VWA8: variants seen among roughly 807,000 people sequenced by gnomAD.
The protein encoded by VWA8 is von Willebrand factor A domain containing 8, also known as von Willebrand factor A domain-containing protein 8.
VWA8 carries 221 observed loss-of-function variants against 241.5 expected under a neutral mutation model. The ratio of observed to expected loss-of-function variants is 0.91; its 90% CI spans 0.82 to 1.02. The LOEUF (loss-of-function observed/expected upper bound fraction) is 1.02, where lower values mean the gene tolerates loss of function less well. Ranked by LOEUF, VWA8 falls within the 50% of genes least tolerant of loss-of-function variation. The probability of loss-of-function intolerance (pLI) is 0.00; values close to 1 mark genes in which losing one functional copy is unlikely to be tolerated. For synonymous variants in VWA8, 852 were observed against 827.1 expected (o/e 1.03, Z -0.52); for missense variants, 2,322 against 2,328.7 (o/e 1.00, Z 0.06).
Position 41,581,196 on chromosome 13 carries a change from G to C in VWA8, c.5272-5358C>G, listed in dbSNP as rs1388263498. On this transcript the variant is annotated intron_variant, in intron 42 of 44. Coordinates refer to ENST00000379310, the MANE Select transcript of VWA8 (RefSeq NM_015058.2). ...TTTGTATTTTTTTAGTAGAGACGGG[G>C]TTTCACCGTGTTACCCAGGATGGTC... is the stretch of plus-strand genomic sequence containing the variant. Among the ~76,000 whole-genome samples the C allele has an allele frequency of 5.1e-5, 5 of 98,740 alleles. 1 individual carries two copies. Among genetic ancestry groups the C allele is most frequent in the Non-Finnish European group, 9.1e-5 (5 of 55,016 alleles). The allele number at this position is 98,740 out of a possible 152,430, so 64.8% of individuals were successfully genotyped here. A position where few individuals can be genotyped will look rare whatever the true frequency, so the allele number is the denominator to read the frequency against.
chr13:41,602,842 C>CT (rs149049595), intron 40 of VWA8, among the ~76,000 whole-genome samples: 2,465 of 152,158 alleles, frequency 0.016, 70 homozygotes, highest in African/African-American at 0.056. Flanking sequence ...AGTAGAATGC[C>CT]TGGTGCATGG....
At chr13:41,729,049 AAAAAG>A (rs1271434091) in intron 23 of VWA8, among the ~76,000 whole-genome samples, 1 of 152,070 alleles carries the variant, frequency 6.6e-6, no homozygotes, top group Non-Finnish European at 1.5e-5. Flanking sequence ...CAATAACAAC[AAAAAG>A]GGTGTGTGTG....
At chr13:41,803,773 A>G (rs1870065546) in intron 17 of VWA8, among the ~76,000 whole-genome samples, 1 of 152,238 alleles carries the variant, frequency 6.6e-6, no homozygotes, top group Admixed American at 6.5e-5. Context: ...GAGGAAGCTC[A>G]ATGAAATTCA....
chr13:41,777,947 AT>A, intron 20 of VWA8, 37 bp downstream of exon 20: 1 of 1,531,322 alleles, frequency 6.5e-7, no homozygotes. Context: ...TGTTACTATC[AT>A]TTTTTCATTG....
intron 37 of VWA8, among the ~76,000 whole-genome samples, chr13:41,667,852 A>G (rs1250416975): frequency 1.3e-5 from 2 of 152,240 alleles, no homozygotes; most frequent in Non-Finnish European, 2.9e-5. Flanking sequence ...CTACATTTAT[A>G]TTAATCCTTT....
chr13:41,750,063 T>C (rs941215432), intron 21 of VWA8, among the ~76,000 whole-genome samples: 1 of 152,126 alleles, frequency 6.6e-6, no homozygotes, highest in Non-Finnish European at 1.5e-5. Flanking sequence ...ATGGTTGCCA[T>C]AGATACTGAT....
At chr13:41,888,095 T>A (rs1319801357) in intron 5 of VWA8, among the ~76,000 whole-genome samples, 2 of 152,172 alleles carry the variant, frequency 1.3e-5, no homozygotes, top group African/African-American at 4.8e-5. Flanking sequence ...TTAGCCTTCT[T>A]AGTAGGAAAA....
intron 17 of VWA8, among the ~76,000 whole-genome samples, chr13:41,798,242 A>G (rs1380653275): frequency 6.6e-6 from 1 of 152,164 alleles, no homozygotes; most frequent in African/African-American, 2.4e-5. Context: ...TTCACAATAC[A>G]TTTAAATTTA....
intron 40 of VWA8, among the ~76,000 whole-genome samples, chr13:41,598,139 C>T (rs929830813): frequency 6.6e-6 from 1 of 151,940 alleles, no homozygotes; most frequent in African/African-American, 2.4e-5. Context: ...AGAACGAGCA[C>T]GGTTAACTTT....
chr13:41,837,071 A>AGATAGATAGATG (rs1871772482), intron 12 of VWA8, among the ~76,000 whole-genome samples: 1 of 148,262 alleles, frequency 6.7e-6, no homozygotes, highest in Admixed American at 6.7e-5. Flanking sequence ...ATAGATAGAT[A>AGATAGATAGATG]GATAGATAGA....
rs745573452 is a variant in VWA8 at position 41,701,448 on chromosome 13, G to A, written c.3308C>T (p.Ser1103Leu). ...AATTTCATCCAATGGTATTCTCCAT[G>A]AGGCACATTCTTCAGTAAAGTTTAG... ...RSLNFTEECA[S>L]WRIPLDEINI... Residue 1103 changes from serine to leucine, a missense_variant, in exon 28 of 45, where the codon TCA (serine) becomes TTA (leucine). Transcript: ENST00000379310. The A allele has an allele frequency of 2.5e-6, 4 of 1,612,296 alleles. No homozygotes were observed. Among genetic ancestry groups the A allele is most frequent in the East Asian group, 4.5e-5 (2 of 44,672 alleles).
chr13:41,920,865 A>G (rs978807524), intron 2 of VWA8, among the ~76,000 whole-genome samples: 1 of 152,254 alleles, frequency 6.6e-6, no homozygotes, highest in African/African-American at 2.4e-5. Flanking sequence ...TACAAAGAGG[A>G]GTTGATACCA....
chr13:41,592,556 C>T (rs2044462784), intron 40 of VWA8, among the ~76,000 whole-genome samples: 1 of 148,168 alleles, frequency 6.7e-6, no homozygotes, highest in Admixed American at 6.7e-5. Context: ...AAGATCTTTA[C>T]TCTTATTTGT....
At chr13:41,884,886 CATAT>C (rs1054175957) in intron 8 of VWA8, among the ~76,000 whole-genome samples, 1 of 128,558 alleles carries the variant, frequency 7.8e-6, no homozygotes, top group African/African-American at 2.8e-5. Context: ...ATGAAACATA[CATAT>C]ATACATACAT....
intron 7 of VWA8, among the ~76,000 whole-genome samples, chr13:41,886,546 T>C (rs1874547936): frequency 6.6e-6 from 1 of 152,240 alleles, no homozygotes; most frequent in Non-Finnish European, 1.5e-5. Flanking sequence ...ATTTTCAAAT[T>C]ATGGCACTTA....
intron 5 of VWA8, among the ~76,000 whole-genome samples, chr13:41,889,344 T>C (rs1376137544): frequency 6.6e-6 from 1 of 152,014 alleles, no homozygotes; most frequent in Admixed American, 6.6e-5. Context: ...AGTAGACCCT[T>C]CTCACTTAAT....
At chr13:41,665,832 G>A (rs1205498295) in intron 37 of VWA8, among the ~76,000 whole-genome samples, 1 of 152,072 alleles carries the variant, frequency 6.6e-6, no homozygotes, top group Admixed American at 6.6e-5. Flanking sequence ...AGAGGAGATT[G>A]AAATAGTCCT....
At chr13:41,709,766 TC>T (rs1566423958) in intron 26 of VWA8, among the ~76,000 whole-genome samples, 63 of 141,344 alleles carry the variant, frequency 4.5e-4, no homozygotes, top group African/African-American at 1.5e-3. Context: ...TCTCTGTCTC[TC>T]TCTCTTTTTT....
chr13:41,879,951 T>C lies in VWA8; in HGVS notation c.1080+3436A>G, dbSNP rs115711782. Among the ~76,000 whole-genome samples the C allele has an allele frequency of 7.8e-3, 1,182 of 152,252 alleles. 13 individuals carry two copies. The highest frequency in any genetic ancestry group is 0.026 in the African/African-American group (1,093 of 41,538). ...CCATGTAAGAAAAACAAAAACCATCTTTCATATGGAGGAATTAATTTTGGT... is the reference window on the plus strand; with the variant it reads ...CCATGTAAGAAAAACAAAAACCATCCTTCATATGGAGGAATTAATTTTGGT... On this transcript the variant is annotated intron_variant, in intron 9 of 44. Transcript: ENST00000379310.
Sources: gnomAD v4.1 joint callset for allele counts (sites outside exome capture counted in the v4.1 genomes callset) on GRCh38, gnomAD v4.1.1 for gene constraint, MANE v1.5 for transcripts, NCBI Gene and HGNC (gene_info 2026-07-23, HGNC 2026-07-21) for gene names.